IFRD1: variants seen among roughly 807,000 people sequenced by gnomAD.
IFRD1 encodes interferon-related developmental regulator 1.
A neutral mutation model predicts 52.9 loss-of-function variants in IFRD1; 35 were observed. The observed-to-expected ratio is 0.66, with a 90% CI of 0.51 to 0.88. The LOEUF (loss-of-function observed/expected upper bound fraction) is 0.88. Ranked by LOEUF, IFRD1 falls within the 40% of genes least tolerant of loss-of-function variation. The pLI is 0.00. For missense variants in IFRD1, 517 were observed against 550.8 expected (o/e 0.94, Z 0.61); for synonymous variants, 184 against 188.4 (o/e 0.98, Z 0.19).
chr7:112,435,239 CG>C (rs1303520705), intron 1 of IFRD1, among the ~76,000 whole-genome samples: 1 of 152,192 alleles, frequency 6.6e-6, no homozygotes, highest in Non-Finnish European at 1.5e-5. Flanking sequence ...AAACCACCCG[CG>C]GACAGAACCA....
chr7:112,467,206 A>G (rs1270228984), intron 8 of IFRD1, among the ~76,000 whole-genome samples: 1 of 152,210 alleles, frequency 6.6e-6, no homozygotes, highest in African/African-American at 2.4e-5. Flanking sequence ...AATGTTAAAC[A>G]TGTATGAATA....
intron 1 of IFRD1, among the ~76,000 whole-genome samples, chr7:112,424,308 C>T (rs887860984): frequency 1.3e-5 from 2 of 152,026 alleles, no homozygotes; most frequent in Non-Finnish European, 2.9e-5. Context: ...ACTGTGCTGT[C>T]TTGAGGTAAT....
At chr7:112,460,082 G>A (rs1327808444) in intron 5 of IFRD1, among the ~76,000 whole-genome samples, 1 of 152,054 alleles carries the variant, frequency 6.6e-6, no homozygotes, top group Non-Finnish European at 1.5e-5. Flanking sequence ...ACTCTGCTGG[G>A]TAGATTTTTG....
intron 8 of IFRD1, among the ~76,000 whole-genome samples, chr7:112,464,513 G>A (rs7777925): frequency 0.16 from 24,906 of 151,958 alleles, 2,201 homozygotes; most frequent in South Asian, 0.31. Flanking sequence ...TCTATGCCTC[G>A]GTGTCCTTAT....
At chr7:112,475,040 C>G (rs1314180826) in intron 11 of IFRD1, among the ~76,000 whole-genome samples, 3 of 151,996 alleles carry the variant, frequency 2.0e-5, no homozygotes, top group Non-Finnish European at 4.4e-5. Context: ...CTCACTGCAA[C>G]CTCTGCCTCT....
chr7:112,449,590 A>C (rs1795100291), upstream of IFRD1, among the ~76,000 whole-genome samples: 1 of 152,212 alleles, frequency 6.6e-6, no homozygotes, highest in Non-Finnish European at 1.5e-5. Flanking sequence ...AAATGTCCTA[A>C]CAAGGAAGAC....
intron 1 of IFRD1, among the ~76,000 whole-genome samples, chr7:112,445,185 G>A (rs1414195096): frequency 6.7e-6 from 1 of 150,038 alleles, no homozygotes; most frequent in African/African-American, 2.5e-5. Flanking sequence ...TCCTGCCTCA[G>A]CCTCCCGAGT....
chr7:112,468,580 A>T (rs915540727), intron 9 of IFRD1, among the ~76,000 whole-genome samples: 1 of 152,066 alleles, frequency 6.6e-6, no homozygotes, highest in African/African-American at 2.4e-5. Flanking sequence ...GCTCACTGCA[A>T]CCTCCGCCTC....
chr7:112,453,191 T>C (rs1182424998), intron 1 of IFRD1, among the ~76,000 whole-genome samples: 4 of 152,212 alleles, frequency 2.6e-5, no homozygotes, highest in Non-Finnish European at 4.4e-5. Context: ...CTATTTAAAC[T>C]CTTTATTTTT....
chr7:112,445,757 T>A (rs1795013863), upstream of IFRD1, among the ~76,000 whole-genome samples: 1 of 152,200 alleles, frequency 6.6e-6, no homozygotes, highest in Non-Finnish European at 1.5e-5. Context: ...TCAGACTTGG[T>A]GTTCTGTTTC....
chr7:112,444,532 A>G (rs1487570125), intron 1 of IFRD1, among the ~76,000 whole-genome samples: 1 of 152,222 alleles, frequency 6.6e-6, no homozygotes, highest in African/African-American at 2.4e-5. Context: ...ATCCATGTAA[A>G]AAATTATTTG....
chr7:112,450,304 C>T (rs1456388971), upstream of IFRD1: 2 of 218,178 alleles, frequency 9.2e-6, no homozygotes, highest in Non-Finnish European at 1.9e-5. Flanking sequence ...GGAAGACTGG[C>T]CGCATGGGAT....
chr7:112,475,449 C>T lies in IFRD1; in HGVS notation c.1286C>T (p.Ala429Val). 1 of 1,608,820 alleles carries T rather than the reference C, an allele frequency of 6.2e-7. No homozygotes were observed. The highest frequency in any genetic ancestry group is 8.5e-7 in the Non-Finnish European group (1 of 1,175,616). The change falls in exon 12 of 12, where the codon GCC becomes GTC. Residue 429 changes from alanine (A) to valine (V), a missense_variant. Transcript: ENST00000403825. ...RFERHLYNSA[A>V]FKARTKARSK... The stretch of plus-strand genomic sequence containing the variant: ...TTTTAGCATTTATATAACTCTGCAG[C>T]CTTCAAAGCTCGAACCAAAGCTAGA...
At chr7:112,448,567 G>A (rs1307816342), upstream of IFRD1, among the ~76,000 whole-genome samples, 1 of 152,164 alleles carries the variant, frequency 6.6e-6, no homozygotes, top group Non-Finnish European at 1.5e-5. Context: ...CAAGGAGTCA[G>A]TGTGAGCTGC....
intron 4 of IFRD1, chr7:112,458,255 T>C (rs1319903473): frequency 6.5e-6 from 1 of 153,506 alleles, no homozygotes; most frequent in East Asian, 1.9e-4. Flanking sequence ...ATATGTACCT[T>C]TATATAAATG....
chr7:112,465,246 ATACT>A (rs1795578646), intron 8 of IFRD1, among the ~76,000 whole-genome samples: 1 of 152,114 alleles, frequency 6.6e-6, no homozygotes, highest in Admixed American at 6.5e-5. Flanking sequence ...TTATTTCTTA[ATACT>A]TAGCTATCCA....
chr7:112,468,665 A>AT (rs1260062914), intron 9 of IFRD1, among the ~76,000 whole-genome samples: 5 of 152,004 alleles, frequency 3.3e-5, no homozygotes, highest in African/African-American at 9.7e-5. Context: ...TATCCGGCTA[A>AT]TTTTTTGTAT....
At chr7:112,426,692 C>G (rs1794433802) in intron 1 of IFRD1, among the ~76,000 whole-genome samples, 1 of 152,152 alleles carries the variant, frequency 6.6e-6, no homozygotes. Context: ...ATGCCCTCAT[C>G]CTTTTTGTAA....
At chr7:112,427,338 C>T (rs758156492) in intron 1 of IFRD1, among the ~76,000 whole-genome samples, 1 of 152,214 alleles carries the variant, frequency 6.6e-6, no homozygotes, top group Non-Finnish European at 1.5e-5. Context: ...GGGGAAAGTT[C>T]AAACCATAGT....
Sources: gnomAD v4.1 joint callset for allele counts (sites outside exome capture counted in the v4.1 genomes callset) on GRCh38, gnomAD v4.1.1 for gene constraint, MANE v1.5 for transcripts, NCBI Gene and HGNC (gene_info 2026-07-23, HGNC 2026-07-21) for gene names.